The following MSRB3 variants were observed in gnomAD, a reference collection of about 807,000 sequenced individuals.
MSRB3 encodes methionine sulfoxide reductase B3, also known as methionine-R-sulfoxide reductase B3.
In MSRB3, 13 loss-of-function variants were observed where a neutral mutation model predicts 21.0. The observed-to-expected ratio is 0.62, with a 90% confidence interval of 0.40 to 0.98. The LOEUF (loss-of-function observed/expected upper bound fraction) is 0.98, where lower values mean the gene tolerates loss of function less well. Among genes scored for constraint, MSRB3 ranks in the 50% least tolerant of loss-of-function variants. The pLI is 0.00. For synonymous variants in MSRB3, 87 were observed against 88.6 expected (o/e 0.98, Z 0.10); for missense variants, 199 against 230.3 (o/e 0.86, Z 0.88).
intron 1 of MSRB3, among the ~76,000 whole-genome samples, chr12:65,293,184 T>G (rs1339393015): frequency 6.6e-6 from 1 of 152,158 alleles, no homozygotes; most frequent in Non-Finnish European, 1.5e-5. Context: ...CTCTTAAATT[T>G]TTTTTATTGA....
At chr12:65,321,019 C>A (rs1874628370) in intron 2 of MSRB3, among the ~76,000 whole-genome samples, 1 of 152,282 alleles carries the variant, frequency 6.6e-6, no homozygotes, top group South Asian at 2.1e-4. Flanking sequence ...TCCTTCAGGG[C>A]TTTGCTCAAA....
intron 4 of MSRB3, among the ~76,000 whole-genome samples, chr12:65,337,268 C>CAAA (rs546160699): frequency 0.025 from 3,781 of 148,348 alleles, 170 homozygotes; most frequent in African/African-American, 0.089. Flanking sequence ...CAAAACAAAA[C>CAAA]AAAAAAAAAC....
chr12:65,406,837 G>A (rs1482739512), intron 5 of MSRB3, among the ~76,000 whole-genome samples: 3 of 152,144 alleles, frequency 2.0e-5, no homozygotes, highest in African/African-American at 7.2e-5. Flanking sequence ...ACAAGAATTA[G>A]AGGGAACTAG....
intron 5 of MSRB3, among the ~76,000 whole-genome samples, chr12:65,370,641 G>T (rs949453964): frequency 2.0e-5 from 3 of 152,130 alleles, no homozygotes; most frequent in Non-Finnish European, 4.4e-5. Flanking sequence ...CTAAATTCCT[G>T]TACTGAAGGT....
At chr12:65,434,477 T>A (rs1375866334) in intron 5 of MSRB3, among the ~76,000 whole-genome samples, 1 of 151,914 alleles carries the variant, frequency 6.6e-6, no homozygotes, top group African/African-American at 2.4e-5. Flanking sequence ...TATTGTATAA[T>A]AGGTGTTGAT....
intron 4 of MSRB3, among the ~76,000 whole-genome samples, chr12:65,360,462 C>A (rs1370938): frequency 0.22 from 33,524 of 151,878 alleles, 3,887 homozygotes; most frequent in Admixed American, 0.32. Context: ...TCAACAAGGC[C>A]TAGGGAAGAA....
Position 65,350,766 on chromosome 12 carries a change from C to T in MSRB3, c.264-18232C>T, listed in dbSNP as rs1267035641. Among the ~76,000 whole-genome samples, 6 of 136,874 alleles carry T rather than the reference C, an allele frequency of 4.4e-5. No homozygotes were observed. The East Asian group carries it at 1.0e-3, about 24-fold the overall frequency. 89.8% of individuals were successfully genotyped at this position (136,874 alleles called of 152,430 possible). A position where few individuals can be genotyped will look rare whatever the true frequency, so the allele number is the denominator to read the frequency against. On this transcript the variant is annotated intron_variant, in intron 4 of 6. Transcript: ENST00000308259. ...CAATTCAACAAGAAGAGCTAACTAT[C>T]CTAAATATATATGCACCCAATACAG...
At chr12:65,453,251 A>T (rs1038681644) in intron 5 of MSRB3, among the ~76,000 whole-genome samples, 1 of 152,204 alleles carries the variant, frequency 6.6e-6, no homozygotes, top group Admixed American at 6.5e-5. Context: ...GTTTTGTTAA[A>T]CAAAATTTTA....
chr12:65,463,378 TC>T lies in MSRB3; in HGVS notation c.*57del. 1.9e-6 allele frequency: 3 copies of T among 1,585,726 alleles called. No homozygotes were observed. Among genetic ancestry groups the T allele is most frequent in the Non-Finnish European group, 2.6e-6 (3 of 1,161,262 alleles). On this transcript the variant is annotated 3_prime_UTR_variant, in exon 7 of 7. Transcript: ENST00000308259. ...CTTAATGCACAGCTTATTAAAAAAA[TC>T]AAAATTGTTATCTTAATAGATATAT...
intron 4 of MSRB3, among the ~76,000 whole-genome samples, chr12:65,339,090 T>C (rs1445372083): frequency 6.6e-6 from 1 of 151,860 alleles, no homozygotes; most frequent in Non-Finnish European, 1.5e-5. Flanking sequence ...AAAATAAAAA[T>C]AAAAATAAAA....
chr12:65,348,599 T>A (rs573265722), intron 4 of MSRB3, among the ~76,000 whole-genome samples: 1 of 152,198 alleles, frequency 6.6e-6, no homozygotes, highest in Non-Finnish European at 1.5e-5. Context: ...AGTTCTGCTC[T>A]GATCTTAGTT....
chr12:65,349,030 G>A (rs1239012037), intron 4 of MSRB3, among the ~76,000 whole-genome samples: 5 of 152,006 alleles, frequency 3.3e-5, no homozygotes, highest in Non-Finnish European at 5.9e-5. Flanking sequence ...CTAGCATTAG[G>A]TATATCTCCC....
intron 4 of MSRB3, among the ~76,000 whole-genome samples, chr12:65,357,942 C>G (rs1877484564): frequency 6.6e-6 from 1 of 151,796 alleles, no homozygotes; most frequent in African/African-American, 2.4e-5. Flanking sequence ...TACTTTTTTC[C>G]CCTCCTTTTC....
At chr12:65,386,012 G>A (rs1879180921) in intron 5 of MSRB3, among the ~76,000 whole-genome samples, 1 of 151,778 alleles carries the variant, frequency 6.6e-6, no homozygotes, top group African/African-American at 2.4e-5. Flanking sequence ...GTACACTTTT[G>A]TCTCTGACCC....
intron 5 of MSRB3, among the ~76,000 whole-genome samples, chr12:65,376,280 C>T (rs1878616618): frequency 1.3e-5 from 2 of 151,916 alleles, no homozygotes; most frequent in South Asian, 2.1e-4. Flanking sequence ...CCACTGCGCC[C>T]GGCTAATTTT....
chr12:65,419,200 T>C, intron 5 of MSRB3: 1 of 707,722 alleles, frequency 1.4e-6, no homozygotes, highest in South Asian at 1.5e-5. Context: ...CTCCTTAATC[T>C]GCTGAGACCA....
intron 5 of MSRB3, among the ~76,000 whole-genome samples, chr12:65,387,703 A>G (rs1173363877): frequency 6.6e-6 from 1 of 152,224 alleles, no homozygotes; most frequent in Non-Finnish European, 1.5e-5. Flanking sequence ...ATTTATAATT[A>G]TAATGCCTAC....
intron 2 of MSRB3, among the ~76,000 whole-genome samples, chr12:65,317,897 A>G (rs1222458309): frequency 1.3e-5 from 2 of 152,186 alleles, no homozygotes; most frequent in Non-Finnish European, 2.9e-5. Context: ...AAAGTGGAGA[A>G]TTGAGTAAGT....
chr12:65,403,920 C>T (rs1880269236), intron 5 of MSRB3, among the ~76,000 whole-genome samples: 1 of 152,224 alleles, frequency 6.6e-6, no homozygotes, highest in South Asian at 2.1e-4. Flanking sequence ...TCGGCTCCCC[C>T]TCCATGGGCT....
Sources: allele counts gnomAD v4.1 joint callset (sites outside exome capture counted in the v4.1 genomes callset), GRCh38; gene constraint gnomAD v4.1.1; transcripts MANE v1.5; gene names NCBI Gene and HGNC (gene_info 2026-07-23, HGNC 2026-07-21).